The following ATP8A1 variants were observed in gnomAD, a reference collection of about 807,000 sequenced individuals.
ATP8A1 encodes the protein ATPase phospholipid transporting 8A1.
ATP8A1 carries 90 observed loss-of-function variants against 177.7 expected under a neutral mutation model. That is an observed-to-expected ratio of 0.51 (90% CI 0.43 to 0.60). ATP8A1 has a LOEUF of 0.60. Ranked by LOEUF, ATP8A1 falls within the 20% of genes least tolerant of loss-of-function variation. ATP8A1 has a pLI of 0.00. For missense variants in ATP8A1, 1,072 were observed against 1,392.8 expected, an observed-to-expected ratio of 0.77 and a Z score of 3.67; for synonymous variants, 493 against 485.9, an observed-to-expected ratio of 1.01 and a Z score of -0.19.
At chr4:42,582,450 T>C (rs1444520839) in intron 9 of ATP8A1, among the ~76,000 whole-genome samples, 1 of 151,676 alleles carries the variant, frequency 6.6e-6, no homozygotes, top group Non-Finnish European at 1.5e-5. Context: ...AAGGAATCTG[T>C]CTACTCACCT....
Position 42,496,835 on chromosome 4 carries a change from T to TAC in ATP8A1, c.2151+6613_2151+6614dup, listed in dbSNP as rs578236924. Among the ~76,000 whole-genome samples, 836 of 151,762 alleles carry TAC rather than the reference T, an allele frequency of 5.5e-3. 8 individuals are homozygous for TAC. Among genetic ancestry groups the TAC allele is most frequent in the African/African-American group, 0.017 (704 of 41,354 alleles). On this transcript the variant is annotated intron_variant, in intron 24 of 36. Transcript: ENST00000381668. Reference sequence around the variant, plus strand: ...CCACACATATATACGTACATATATATACACACACACACAGTCAATAACATC... The same window carrying TAC: ...CCACACATATATACGTACATATATATACACACACACACACAGTCAATAACATC...
chr4:42,580,999 T>C (rs1732978311), intron 10 of ATP8A1, among the ~76,000 whole-genome samples: 1 of 152,236 alleles, frequency 6.6e-6, no homozygotes, highest in Non-Finnish European at 1.5e-5. Context: ...AGATCACTTA[T>C]CATGACATGG....
chr4:42,460,361 T>C (rs753756179), intron 27 of ATP8A1, among the ~76,000 whole-genome samples: 1 of 147,688 alleles, frequency 6.8e-6, no homozygotes, highest in African/African-American at 2.5e-5. Context: ...ATGATTTCCA[T>C]ATAGCAAATG....
intron 22 of ATP8A1, among the ~76,000 whole-genome samples, chr4:42,516,758 C>T (rs538418505): frequency 1.6e-3 from 238 of 152,106 alleles, no homozygotes; most frequent in Non-Finnish European, 2.8e-3. Context: ...AATCTAGTAG[C>T]ATAGTATGAA....
rs1351190253 is a variant in ATP8A1 at position 42,544,927 on chromosome 4, C to T, written c.1653-941G>A. Among the ~76,000 whole-genome samples, 5 of 152,058 alleles carry T rather than the reference C, an allele frequency of 3.3e-5. No homozygotes were observed. In the East Asian group the frequency reaches 7.7e-4, roughly 24 times the overall value. On this transcript the variant is annotated intron_variant, in intron 19 of 36. Transcript: ENST00000381668. ...CTGTAATTCTAGCACTTTGGGAGGC[C>T]GAGGCGGGCGGATCACAAGGTCAGG...
intron 19 of ATP8A1, among the ~76,000 whole-genome samples, chr4:42,544,808 G>GCAGT (rs1226640272): frequency 6.6e-6 from 1 of 152,150 alleles, no homozygotes; most frequent in African/African-American, 2.4e-5. Context: ...ATATGCAGAA[G>GCAGT]CAGTCAGTTA....
intron 11 of ATP8A1, 121 bp from the exon 12 acceptor site, chr4:42,578,508 C>G: frequency 9.2e-7 from 1 of 1,083,954 alleles, no homozygotes; most frequent in Non-Finnish European, 1.3e-6. Context: ...GGGAGGAACA[C>G]TTTGCTGATA....
intron 12 of ATP8A1, among the ~76,000 whole-genome samples, chr4:42,577,529 C>T (rs1272719014): frequency 6.6e-6 from 1 of 152,018 alleles, no homozygotes; most frequent in East Asian, 1.9e-4. Context: ...AAAAATAACA[C>T]AAAGTTTCTC....
chr4:42,458,137 C>T (rs565933777), intron 27 of ATP8A1, among the ~76,000 whole-genome samples: 180 of 152,196 alleles, frequency 1.2e-3, no homozygotes, highest in African/African-American at 4.1e-3. Flanking sequence ...ACCAGCAGGC[C>T]GATTTCAAGT....
At chr4:42,471,985 C>G in intron 25 of ATP8A1, 1 of 714,032 alleles carries the variant, frequency 1.4e-6, no homozygotes, top group Non-Finnish European at 2.7e-6. Flanking sequence ...GTCCAGAAAG[C>G]TATCATAATC....
At chr4:42,543,363 A>T (rs1728597004) in intron 20 of ATP8A1, among the ~76,000 whole-genome samples, 1 of 152,140 alleles carries the variant, frequency 6.6e-6, no homozygotes, top group Middle Eastern at 3.2e-3. Context: ...CCCTGGTCAG[A>T]TTTCTCATTT....
intron 34 of ATP8A1, 83 bp from the exon 35 acceptor site, chr4:42,422,982 G>A (rs2153167942): frequency 1.9e-6 from 2 of 1,058,430 alleles, no homozygotes; most frequent in Non-Finnish European, 2.8e-6. Context: ...TTATTATCAC[G>A]CGGTTGATAA....
At position 42,411,935 on chromosome 4, in the gene ATP8A1, T is replaced by A. The variant is rs1712664219; in HGVS notation, c.*981A>T. On this transcript the variant is annotated 3_prime_UTR_variant, in exon 37 of 37. Coordinates refer to ENST00000381668, the MANE Select transcript of ATP8A1 (RefSeq NM_006095.2). ...CAAAAGCCCATGCATTTATCTGACA[T>A]GTTATTCCAAATATTGCAACAGAAG... 1 of 152,244 alleles carries A rather than the reference T, an allele frequency of 6.6e-6. No individual in the cohort carries two copies. Among genetic ancestry groups the A allele is most frequent in the South Asian group, 2.1e-4 (1 of 4,838 alleles). 9.4% of individuals were successfully genotyped at this position (152,244 alleles called of 1,614,324 possible). A position where few individuals can be genotyped will look rare whatever the true frequency, so the allele number is the denominator to read the frequency against.
At chr4:42,510,126 G>A (rs1029045212) in intron 22 of ATP8A1, among the ~76,000 whole-genome samples, 4 of 152,148 alleles carry the variant, frequency 2.6e-5, no homozygotes, top group Admixed American at 6.5e-5. Context: ...AAATACTGCT[G>A]CAATCTAGAC....
At chr4:42,457,655 T>C (rs1261179707) in intron 27 of ATP8A1, among the ~76,000 whole-genome samples, 3 of 152,210 alleles carry the variant, frequency 2.0e-5, no homozygotes, top group South Asian at 2.1e-4. Flanking sequence ...AGTAAGTTTA[T>C]ATGTGGGCAA....
In ATP8A1 at chr4:42,533,571, T is replaced by C. The variant is rs1727492270; in HGVS notation, c.1723-8724A>G. ...GCTGATAGTCTTTGTCTACCTGCCC[T>C]GGTAGCCCAAGACAAAGGACATCTC... On this transcript the variant is annotated intron_variant, in intron 20 of 36. Transcript: ENST00000381668. 2.0e-5 allele frequency among the ~76,000 whole-genome samples: 3 copies of C among 152,124 alleles called. No individual in the cohort carries two copies. In the South Asian group the frequency reaches 6.2e-4, roughly 32 times the overall value.
intron 19 of ATP8A1, among the ~76,000 whole-genome samples, chr4:42,545,851 G>T (rs1221890429): frequency 2.6e-5 from 4 of 152,108 alleles, no homozygotes; most frequent in Non-Finnish European, 5.9e-5. Flanking sequence ...ATGTGCACCT[G>T]CAATCCCAGC....
intron 8 of ATP8A1, among the ~76,000 whole-genome samples, chr4:42,586,918 T>C (rs1733665833): frequency 6.6e-6 from 1 of 152,200 alleles, no homozygotes; most frequent in African/African-American, 2.4e-5. Context: ...AAACAGGTTT[T>C]CCCTCTGGCC....
Position 42,464,894 on chromosome 4 carries a change from T to C in ATP8A1, c.2507A>G (p.Gln836Arg). 6.2e-7 allele frequency: 1 copy of C among 1,614,002 alleles called. No homozygotes were observed. Among genetic ancestry groups the C allele is most frequent in the Non-Finnish European group, 8.5e-7 (1 of 1,179,878 alleles). ...AANSSDYSIAQFKYLKNLLMI... is the reference protein window; with the variant it reads ...AANSSDYSIARFKYLKNLLMI... ...TGTTTTGCAGAAATGACGCTTTACC[T>C]GAGCTATGGAGTAGTCAGAGGAATT... Residue 836 changes from glutamine (Q) to arginine (R), a missense_variant and splice_region_variant, in exon 26 of 37, where the codon CAG (glutamine) becomes CGG (arginine). This residue lies in a region of ATP8A1 where 316 missense variants were observed against 459.1 expected (regional missense o/e 0.69). Transcript: ENST00000381668.
Sources: gnomAD v4.1 joint callset for allele counts (sites outside exome capture counted in the v4.1 genomes callset) on GRCh38, gnomAD v4.1.1 for gene constraint, gnomAD v4.1.1 regional missense constraint, MANE v1.5 for transcripts, NCBI Gene and HGNC (gene_info 2026-07-23, HGNC 2026-07-21) for gene names.